Variants in ELMO1 observed in about 807,000 individuals in gnomAD.
ELMO1 encodes the protein engulfment and cell motility 1, also known as engulfment and cell motility protein 1.
Under a neutral mutation model 98.9 loss-of-function variants are expected in ELMO1, and 26 were observed. The observed-to-expected ratio is 0.26, with a 90% CI of 0.19 to 0.36. The LOEUF is 0.36. Ranked by LOEUF, ELMO1 falls within the 10% of genes least tolerant of loss-of-function variation. The pLI, the probability that ELMO1 is intolerant of heterozygous loss-of-function variation, is 1.00. For synonymous variants in ELMO1, 346 were observed against 346.0 expected, an observed-to-expected ratio of 1.00 and a Z score of 0.00; for missense variants, 627 against 935.2, an observed-to-expected ratio of 0.67 and a Z score of 4.30.
At chr7:37,306,001 C>T (rs1337586985) in intron 4 of ELMO1, among the ~76,000 whole-genome samples, 1 of 152,208 alleles carries the variant, frequency 6.6e-6, no homozygotes, top group Admixed American at 6.5e-5. Context: ...AGAGACGAAT[C>T]TCCAAAAGTG....
intron 15 of ELMO1, among the ~76,000 whole-genome samples, chr7:37,053,963 G>A (rs915929423): frequency 6.6e-6 from 1 of 152,016 alleles, no homozygotes; most frequent in Non-Finnish European, 1.5e-5. Flanking sequence ...TACTCCTCTT[G>A]GTTTGGGGTA....
At chr7:36,949,773 T>C (rs977849765) in intron 16 of ELMO1, among the ~76,000 whole-genome samples, 1 of 151,992 alleles carries the variant, frequency 6.6e-6, no homozygotes, top group Non-Finnish European at 1.5e-5. Context: ...CTCTGGCCTC[T>C]GCTCACTAGA....
At chr7:37,273,599 A>G (rs1443614126) in intron 4 of ELMO1, among the ~76,000 whole-genome samples, 1 of 152,196 alleles carries the variant, frequency 6.6e-6, no homozygotes, top group African/African-American at 2.4e-5. Context: ...GACATTGAAG[A>G]TAGAATTTCA....
At chr7:37,298,287 GT>G (rs937078176) in intron 4 of ELMO1, among the ~76,000 whole-genome samples, 19 of 101,436 alleles carry the variant, frequency 1.9e-4, no homozygotes, top group African/African-American at 4.6e-4. Context: ...AGTTTTTTTT[GT>G]TTTTTTTTTT....
chr7:37,426,762 C>T (rs568405426), intron 1 of ELMO1, among the ~76,000 whole-genome samples: 3 of 152,240 alleles, frequency 2.0e-5, no homozygotes, highest in South Asian at 4.1e-4. Flanking sequence ...CATTTCCCAG[C>T]CCTATTTTAC....
chr7:37,163,271 G>T (rs2129331376), intron 13 of ELMO1, among the ~76,000 whole-genome samples: 1 of 152,126 alleles, frequency 6.6e-6, no homozygotes, highest in Non-Finnish European at 1.5e-5. Context: ...TGTGTGTAGA[G>T]ACTTTTCTCT....
chr7:36,924,307 G>GT (rs1472086266), intron 16 of ELMO1, among the ~76,000 whole-genome samples: 2 of 152,162 alleles, frequency 1.3e-5, no homozygotes, highest in African/African-American at 4.8e-5. Context: ...AAGTCCATGG[G>GT]TGGGAGGCTG....
chr7:37,085,267 G>A (rs1298930770), intron 15 of ELMO1, among the ~76,000 whole-genome samples: 1 of 152,182 alleles, frequency 6.6e-6, no homozygotes, highest in Non-Finnish European at 1.5e-5. Context: ...AACTGACACT[G>A]TAGGAAGCCA....
intron 13 of ELMO1, among the ~76,000 whole-genome samples, chr7:37,152,710 G>A (rs1379671160): frequency 6.6e-6 from 1 of 152,212 alleles, no homozygotes; most frequent in Non-Finnish European, 1.5e-5. Context: ...GCTTCATTTA[G>A]TGAAGTTAAG....
chr7:37,080,735 G>A (rs559524381), intron 15 of ELMO1, among the ~76,000 whole-genome samples: 1 of 151,150 alleles, frequency 6.6e-6, no homozygotes, highest in South Asian at 2.1e-4. Context: ...GCAGGTGTGA[G>A]TCACTGTGCC....
intron 1 of ELMO1, among the ~76,000 whole-genome samples, chr7:37,373,115 G>T (rs1802182916): frequency 6.6e-6 from 1 of 152,206 alleles, no homozygotes; most frequent in Non-Finnish European, 1.5e-5. Flanking sequence ...AGCATTTCAT[G>T]GTGCAGCAGG....
intron 10 of ELMO1, among the ~76,000 whole-genome samples, chr7:37,218,213 A>G (rs1793406137): frequency 6.6e-6 from 1 of 152,196 alleles, no homozygotes; most frequent in South Asian, 2.1e-4. Context: ...ACGGAAAAAA[A>G]TATTTCTGTT....
chr7:36,996,624 A>C lies in ELMO1; in HGVS notation c.1437+16675T>G, dbSNP rs1435849351. On this transcript the variant is annotated intron_variant, in intron 16 of 21. Transcript: ENST00000310758. ...AAATCAAAGATAATTGGCTAAAATA[A>C]GTTTCCGAACTTAGCATATAGCTGA... 2.6e-5 allele frequency among the ~76,000 whole-genome samples: 4 copies of C among 152,344 alleles called. No homozygotes were observed. In the East Asian group the frequency reaches 5.8e-4, roughly 22 times the overall value.
At chr7:37,389,023 TTTCAATACTG>T (rs977446629) in intron 1 of ELMO1, among the ~76,000 whole-genome samples, 4 of 152,366 alleles carry the variant, frequency 2.6e-5, no homozygotes, top group Middle Eastern at 3.4e-3. Context: ...CCATGGGCTA[TTTCAATACTG>T]AAGTGCTTAC....
intron 16 of ELMO1, among the ~76,000 whole-genome samples, chr7:36,970,201 ACACACACACACACACACACG>A (rs1379279218): frequency 3.3e-5 from 5 of 150,494 alleles, no homozygotes; most frequent in Non-Finnish European, 7.5e-5. Flanking sequence ...ACACACACAC[ACACACACACACACACACACG>A]CACACCAAGG....
chr7:36,898,234 C>G (rs1806189925), intron 16 of ELMO1, among the ~76,000 whole-genome samples: 1 of 152,200 alleles, frequency 6.6e-6, no homozygotes, highest in Non-Finnish European at 1.5e-5. Context: ...AACCACCATC[C>G]TTAACTCTAT....
intron 6 of ELMO1, among the ~76,000 whole-genome samples, chr7:37,248,526 T>C (rs894107069): frequency 6.6e-6 from 1 of 152,226 alleles, no homozygotes; most frequent in East Asian, 1.9e-4. Flanking sequence ...GCCTTTGTGA[T>C]GCAAATTTCT....
At position 37,213,468 on chromosome 7, in the gene ELMO1, G is replaced by A. The variant is rs748405052; in HGVS notation, c.832-11C>T. ...GGCTCGGATGACATGCTAGGGAGAT[G>A]GTTCACAAATGAAATTTTTTAAAAA... is the stretch of plus-strand genomic sequence containing the variant. On this transcript the variant is annotated splice_polypyrimidine_tract_variant and intron_variant, in intron 11 of 21. Transcript: ENST00000310758. 1.9e-6 allele frequency: 3 copies of A among 1,603,818 alleles called. No homozygotes were observed. The highest frequency in any genetic ancestry group is 1.1e-5 in the South Asian group (1 of 89,670).
intron 5 of ELMO1, among the ~76,000 whole-genome samples, chr7:37,266,056 G>A (rs772326207): frequency 2.6e-5 from 4 of 152,056 alleles, no homozygotes; most frequent in Non-Finnish European, 5.9e-5. Flanking sequence ...ACTCTGACCC[G>A]GTGCCCTGGC....
Sources: gnomAD v4.1 joint callset for allele counts (sites outside exome capture counted in the v4.1 genomes callset) on GRCh38, gnomAD v4.1.1 for gene constraint, MANE v1.5 for transcripts, NCBI Gene and HGNC (gene_info 2026-07-23, HGNC 2026-07-21) for gene names.